The following MEF2C variants were observed in gnomAD, a reference collection of about 807,000 sequenced individuals.
The protein encoded by MEF2C is myocyte-specific enhancer factor 2C.
MEF2C carries 6 observed loss-of-function variants against 50.5 expected under a neutral mutation model. The observed-to-expected ratio is 0.12, with a 90% CI of 0.07 to 0.23. The LOEUF is 0.23. Ranked by LOEUF, MEF2C falls within the 10% of genes least tolerant of loss-of-function variation. MEF2C has a pLI of 1.00. For synonymous variants in MEF2C, 183 were observed against 228.0 expected (o/e 0.80, Z 1.78); for missense variants, 276 against 605.0 (o/e 0.46, Z 5.70).
chr5:88,861,868 T>C (rs1825640250), intron 1 of MEF2C, among the ~76,000 whole-genome samples: 1 of 152,240 alleles, frequency 6.6e-6, no homozygotes, highest in African/African-American at 2.4e-5. Context: ...GCATGTATGA[T>C]GTTAATGTAT....
At chr5:88,873,196 G>A (rs550034363) in intron 1 of MEF2C, among the ~76,000 whole-genome samples, 2 of 151,948 alleles carry the variant, frequency 1.3e-5, no homozygotes, top group Admixed American at 6.6e-5. Flanking sequence ...TGTTTGCAAC[G>A]AATATACCAT....
In MEF2C at chr5:88,726,839, G is replaced by A. The variant is rs534670041; in HGVS notation, c.1100+1654C>T. ...TAAAATTGTAGTACAGCTAAAATAT[G>A]TAAATAAATATGTGTTTATATGTAA... is the stretch of plus-strand genomic sequence containing the variant. On this transcript the variant is annotated intron_variant, in intron 10 of 10. Coordinates refer to ENST00000504921, the MANE Select transcript of MEF2C (RefSeq NM_002397.5). Among the ~76,000 whole-genome samples, 23 of 152,046 alleles carry A rather than the reference G, an allele frequency of 1.5e-4. No homozygotes were observed. In the South Asian group the frequency reaches 4.4e-3, roughly 29 times the overall value.
chr5:88,738,986 T>A (rs957625390), intron 6 of MEF2C: 11 of 980,604 alleles, frequency 1.1e-5, no homozygotes, highest in Non-Finnish European at 1.3e-5. Context: ...AATATGCTTT[T>A]AAAAGTAGAT....
intron 3 of MEF2C, among the ~76,000 whole-genome samples, chr5:88,773,344 T>C (rs1339627006): frequency 6.6e-6 from 1 of 152,216 alleles, no homozygotes; most frequent in East Asian, 1.9e-4. Context: ...ACACTGATTC[T>C]ACCCTTAGCA....
chr5:88,766,676 A>T (rs1780189046), intron 3 of MEF2C: 1 of 985,288 alleles, frequency 1.0e-6, no homozygotes, highest in South Asian at 4.7e-5. Context: ...AACCTGGAGA[A>T]ACCCCCAAAT....
chr5:88,880,199 A>G (rs1192304294), intron 1 of MEF2C, among the ~76,000 whole-genome samples: 1 of 152,134 alleles, frequency 6.6e-6, no homozygotes, highest in Non-Finnish European at 1.5e-5. Flanking sequence ...GAATACGTGT[A>G]TTTTGATAAG....
intron 3 of MEF2C, among the ~76,000 whole-genome samples, chr5:88,780,144 C>G (rs766943001): frequency 6.7e-6 from 1 of 149,412 alleles, no homozygotes; most frequent in African/African-American, 2.5e-5. Flanking sequence ...GAGAATCCAT[C>G]TCGAAAAAAA....
chr5:88,770,230 G>A (rs1418142220), intron 3 of MEF2C, among the ~76,000 whole-genome samples: 2 of 152,144 alleles, frequency 1.3e-5, no homozygotes, highest in African/African-American at 4.8e-5. Context: ...GTTGGTTACA[G>A]GGACAAAAAG....
intron 4 of MEF2C, among the ~76,000 whole-genome samples, chr5:88,759,207 G>A (rs556213158): frequency 1.3e-5 from 2 of 152,150 alleles, no homozygotes; most frequent in East Asian, 3.9e-4. Context: ...AAATGGCGTG[G>A]CGCAGTGGCT....
intron 1 of MEF2C, among the ~76,000 whole-genome samples, chr5:88,901,771 G>C (rs559960063): frequency 3.6e-4 from 54 of 152,028 alleles, no homozygotes; most frequent in African/African-American, 1.1e-3. Flanking sequence ...AAACATAGCT[G>C]CATGGTGGAC....
intron 3 of MEF2C, among the ~76,000 whole-genome samples, chr5:88,789,710 A>G (rs1792823756): frequency 6.6e-6 from 1 of 152,116 alleles, no homozygotes. Context: ...TCTTATTCAT[A>G]ACTTCTTCCA....
Position 88,748,811 on chromosome 5 carries a change from G to C in MEF2C, c.637+259C>G, listed in dbSNP as rs559978343. The C allele has an allele frequency of 4.1e-6, 4 of 985,418 alleles. No individual in the cohort carries two copies. In the East Asian group the frequency reaches 4.5e-4, roughly 112 times the overall value. The allele number at this position is 985,418 out of a possible 1,614,324, so 61.0% of individuals were successfully genotyped here. A position where few individuals can be genotyped will look rare whatever the true frequency, so the allele number is the denominator to read the frequency against. ...CAAGGATGGTATCCAGGATTAAGTT[G>C]ATTGGATCAGAGCCCTTAATTCTCT... On this transcript the variant is annotated intron_variant, in intron 6 of 10. Coordinates refer to ENST00000504921, the MANE Select transcript of MEF2C (RefSeq NM_002397.5).
At position 88,751,963 on chromosome 5, in the gene MEF2C, G is replaced by T. The variant is rs984614714; in HGVS notation, c.483C>A (p.Val161=). 2 of 1,613,896 alleles carry T rather than the reference G, an allele frequency of 1.2e-6. No homozygotes were observed. The highest frequency in any genetic ancestry group is 2.7e-5 in the African/African-American group (2 of 74,942). ...ATAGGTTGGGGTTTCCCAGTGAGCT[G>T]ACAGGGTTGCTGTACACCAAACTGT... is the stretch of plus-strand genomic sequence containing the variant. ...SHNSLVYSNP[V]SSLGNPNLLP... The change falls in exon 5 of 11, where the codon GTC becomes GTA. Residue 161 remains valine, a synonymous_variant. Coordinates refer to ENST00000504921, the MANE Select transcript of MEF2C (RefSeq NM_002397.5).
At chr5:88,771,318 A>G (rs1394972521) in intron 3 of MEF2C, 4 of 551,046 alleles carry the variant, frequency 7.3e-6, no homozygotes, top group Non-Finnish European at 6.9e-6. Flanking sequence ...GCTTTGATAT[A>G]CGCCATTCCA....
chr5:88,781,358 T>C (rs1787926788), intron 3 of MEF2C, among the ~76,000 whole-genome samples: 1 of 152,224 alleles, frequency 6.6e-6, no homozygotes, highest in African/African-American at 2.4e-5. Flanking sequence ...GAGCATCATG[T>C]GCTAATGGCT....
At chr5:88,795,028 C>G (rs946691236) in intron 3 of MEF2C, among the ~76,000 whole-genome samples, 1 of 152,104 alleles carries the variant, frequency 6.6e-6, no homozygotes, top group African/African-American at 2.4e-5. Flanking sequence ...CAGTATTATG[C>G]TGTTTTGGTT....
intron 2 of MEF2C, among the ~76,000 whole-genome samples, chr5:88,812,537 T>C (rs1043099412): frequency 1.3e-5 from 2 of 152,118 alleles, no homozygotes; most frequent in Non-Finnish European, 2.9e-5. Flanking sequence ...TGTGGGTTGG[T>C]TGGTGCAAGT....
At chr5:88,726,891 A>C (rs1759053250) in intron 10 of MEF2C, among the ~76,000 whole-genome samples, 1 of 152,142 alleles carries the variant, frequency 6.6e-6, no homozygotes, top group Non-Finnish European at 1.5e-5. Flanking sequence ...GTACTATTGA[A>C]AACAAAAAAA....
intron 1 of MEF2C, among the ~76,000 whole-genome samples, chr5:88,854,295 G>A (rs1409350057): frequency 6.6e-6 from 1 of 152,104 alleles, no homozygotes; most frequent in Non-Finnish European, 1.5e-5. Context: ...CAGATGTGGT[G>A]CAAAAAATAA....
Sources: allele counts gnomAD v4.1 joint callset (sites outside exome capture counted in the v4.1 genomes callset), GRCh38; gene constraint gnomAD v4.1.1; transcripts MANE v1.5; gene names NCBI Gene and HGNC (gene_info 2026-07-23, HGNC 2026-07-21).